SLC25A21: variants seen among roughly 807,000 people sequenced by gnomAD.
SLC25A21 encodes the protein mitochondrial 2-oxodicarboxylate carrier.
Under a neutral mutation model 43.8 loss-of-function variants are expected in SLC25A21, and 47 were observed. That is an observed-to-expected ratio of 1.07 (90% CI 0.85 to 1.37). SLC25A21 has a LOEUF of 1.37. SLC25A21 is among the 40% of genes most tolerant of loss of function. The pLI, the probability that SLC25A21 is intolerant of heterozygous loss-of-function variation, is 0.00. For synonymous variants in SLC25A21, 131 were observed against 121.3 expected, an observed-to-expected ratio of 1.08 and a Z score of -0.52; for missense variants, 352 against 350.2, an observed-to-expected ratio of 1.00 and a Z score of -0.04.
intron 1 of SLC25A21, among the ~76,000 whole-genome samples, chr14:36,876,340 A>T (rs1175211373): frequency 6.6e-6 from 1 of 152,144 alleles, no homozygotes; most frequent in African/African-American, 2.4e-5. Flanking sequence ...TAGGTTGCAA[A>T]GTCCTATGTA....
intron 1 of SLC25A21, among the ~76,000 whole-genome samples, chr14:37,129,468 TC>T (rs1963356090): frequency 6.6e-6 from 1 of 152,140 alleles, no homozygotes; most frequent in Admixed American, 6.5e-5. Flanking sequence ...TACCCAGTGT[TC>T]CTTTTGGGAT....
intron 7 of SLC25A21, among the ~76,000 whole-genome samples, chr14:36,698,590 T>C (rs184930966): frequency 3.8e-4 from 58 of 152,302 alleles, no homozygotes; most frequent in Middle Eastern, 3.4e-3. Flanking sequence ...AGTCCCATAT[T>C]TCTTGGAGGC....
chr14:36,924,538 AG>A (rs1299269045), intron 1 of SLC25A21, among the ~76,000 whole-genome samples: 1 of 148,006 alleles, frequency 6.8e-6, no homozygotes, highest in South Asian at 2.3e-4. Context: ...GGGTGGGGAG[AG>A]GGGGGAGGGA....
At chr14:37,068,905 T>C (rs760042323) in intron 1 of SLC25A21, among the ~76,000 whole-genome samples, 5 of 152,198 alleles carry the variant, frequency 3.3e-5, no homozygotes, top group Non-Finnish European at 7.3e-5. Flanking sequence ...CCAGGCGCGG[T>C]GGCTCACGCC....
intron 1 of SLC25A21, among the ~76,000 whole-genome samples, chr14:36,878,641 G>A (rs1020217060): frequency 6.6e-6 from 1 of 152,180 alleles, no homozygotes; most frequent in African/African-American, 2.4e-5. Context: ...GACCTACTAT[G>A]AAGGCACAAA....
At chr14:36,733,398 C>T (rs1884909394) in intron 4 of SLC25A21, among the ~76,000 whole-genome samples, 1 of 152,168 alleles carries the variant, frequency 6.6e-6, no homozygotes, top group Non-Finnish European at 1.5e-5. Context: ...TATAAAATCA[C>T]AAAACCTATA....
chr14:36,814,173 C>T (rs558659832), intron 2 of SLC25A21, among the ~76,000 whole-genome samples, 172 bp from the exon 3 acceptor site: 1 of 152,184 alleles, frequency 6.6e-6, no homozygotes, highest in East Asian at 1.9e-4. Flanking sequence ...TTTTCATAGT[C>T]TTTAAAATTA....
intron 1 of SLC25A21, among the ~76,000 whole-genome samples, chr14:37,096,711 AT>A (rs1050270505): frequency 6.6e-6 from 1 of 151,774 alleles, no homozygotes; most frequent in Admixed American, 6.6e-5. Flanking sequence ...ATTTCTGTTG[AT>A]TTTTTTATTA....
At chr14:37,054,722 AAG>A (rs1412161689) in intron 1 of SLC25A21, among the ~76,000 whole-genome samples, 2 of 152,230 alleles carry the variant, frequency 1.3e-5, no homozygotes, top group Non-Finnish European at 2.9e-5. Context: ...AACTAAAAAA[AAG>A]AATTGTTCCA....
chr14:36,704,124 A>G (rs1008639952), intron 7 of SLC25A21, among the ~76,000 whole-genome samples: 4 of 152,194 alleles, frequency 2.6e-5, no homozygotes, highest in African/African-American at 9.7e-5. Context: ...TAAATCTGAA[A>G]GAACATAACA....
intron 1 of SLC25A21, among the ~76,000 whole-genome samples, chr14:36,917,854 T>A (rs1025028118): frequency 2.0e-5 from 3 of 152,166 alleles, no homozygotes; most frequent in African/African-American, 7.2e-5. Flanking sequence ...AGCTGAAGAT[T>A]CAGAAAATGC....
intron 6 of SLC25A21, among the ~76,000 whole-genome samples, chr14:36,719,948 C>T (rs1226316350): frequency 1.3e-5 from 2 of 152,108 alleles, no homozygotes; most frequent in African/African-American, 2.4e-5. Flanking sequence ...TCCTATTATT[C>T]GGCTGCCATG....
chr14:37,056,730 C>T (rs999854343), intron 1 of SLC25A21, among the ~76,000 whole-genome samples: 5 of 152,134 alleles, frequency 3.3e-5, no homozygotes, highest in Non-Finnish European at 5.9e-5. Flanking sequence ...CGTCTGCAGC[C>T]AAGTCAGCAC....
intron 1 of SLC25A21, among the ~76,000 whole-genome samples, chr14:37,064,881 G>A (rs903130703): frequency 1.6e-4 from 25 of 152,064 alleles, no homozygotes; most frequent in Admixed American, 7.2e-4. Context: ...ATAGAACATT[G>A]GGAAGGCAGA....
At position 37,144,924 on chromosome 14, in the gene SLC25A21, GGTT is replaced by G. The variant is rs35217998; in HGVS notation, c.70+27354_70+27356del. On this transcript the variant is annotated intron_variant, in intron 1 of 9. Transcript: ENST00000331299. ...CTGTGATTACACGCCCAGCCTGGGT[GGTT>G]GTTGTTGTTGTTGTTGTTGTTGTTG... Among the ~76,000 whole-genome samples the G allele has an allele frequency of 8.4e-3, 1,271 of 150,438 alleles. 26 individuals carry two copies. Among genetic ancestry groups the G allele is most frequent in the African/African-American group, 0.03 (1,215 of 40,442 alleles).
rs1413432182 is a variant in SLC25A21, at chr14:36,679,372, C to CTT, written c.*1284_*1285dup. The CTT allele has an allele frequency of 2.3e-5, 22 of 975,884 alleles. No individual in the cohort carries two copies. Among genetic ancestry groups the CTT allele is most frequent in the Non-Finnish European group, 2.7e-5 (22 of 821,430 alleles). 60.5% of individuals were successfully genotyped at this position (975,884 alleles called of 1,614,324 possible). A position where few individuals can be genotyped will look rare whatever the true frequency, so the allele number is the denominator to read the frequency against. On this transcript the variant is annotated 3_prime_UTR_variant, in exon 10 of 10. Coordinates refer to ENST00000331299, the MANE Select transcript of SLC25A21 (RefSeq NM_030631.4). ...TAAAAAGTAATAATTACCATGTTAT[C>CTT]TTTTACTTTTTATTTTCAAAATGCT...
chr14:36,763,481 C>A (rs962957893), intron 3 of SLC25A21, among the ~76,000 whole-genome samples: 1 of 152,170 alleles, frequency 6.6e-6, no homozygotes, highest in Non-Finnish European at 1.5e-5. Context: ...TCAAAGAGAA[C>A]TCTGCCTCTT....
intron 1 of SLC25A21, among the ~76,000 whole-genome samples, chr14:37,145,751 T>G (rs1327777866): frequency 6.6e-6 from 1 of 152,124 alleles, no homozygotes; most frequent in South Asian, 2.1e-4. Context: ...ACTCTATACT[T>G]CTTCTAACTA....
chr14:36,897,269 C>T (rs557871901), intron 1 of SLC25A21, among the ~76,000 whole-genome samples: 1 of 152,108 alleles, frequency 6.6e-6, no homozygotes, highest in Non-Finnish European at 1.5e-5. Flanking sequence ...AACTTCTCTT[C>T]TCGCTTCTTT....
Sources: allele counts gnomAD v4.1 joint callset (sites outside exome capture counted in the v4.1 genomes callset), GRCh38; gene constraint gnomAD v4.1.1; transcripts MANE v1.5; gene names NCBI Gene and HGNC (gene_info 2026-07-23, HGNC 2026-07-21).